The following C1QTNF3 variants were observed in gnomAD, a reference collection of about 807,000 sequenced individuals.
The protein encoded by C1QTNF3 is complement C1q tumor necrosis factor-related protein 3.
C1QTNF3 carries 26 observed loss-of-function variants against 32.6 expected under a neutral mutation model. That is an observed-to-expected ratio of 0.80 (90% CI 0.58 to 1.11). The LOEUF is 1.11. Among genes scored for constraint, C1QTNF3 ranks in the 50% least tolerant of loss-of-function variants. The probability of loss-of-function intolerance (pLI) is 0.00; values close to 1 mark genes in which losing one functional copy is unlikely to be tolerated. For missense variants in C1QTNF3, 362 were observed against 398.2 expected (o/e 0.91, Z 0.77); for synonymous variants, 155 against 146.0 (o/e 1.06, Z -0.44).
the C1QTNF3 span, among the ~76,000 whole-genome samples, chr5:34,102,661 T>A: frequency 6.6e-6 from 1 of 152,004 alleles, no homozygotes; most frequent in African/African-American, 2.4e-5. Flanking sequence ...TAGGAAAAAA[T>A]GCCCCAACAA....
the C1QTNF3 span, among the ~76,000 whole-genome samples, chr5:34,055,622 A>AT: frequency 6.6e-6 from 1 of 152,248 alleles, no homozygotes; most frequent in Non-Finnish European, 1.5e-5. Flanking sequence ...TCAAATTTAC[A>AT]TTCCCTGGCT....
the C1QTNF3 span, among the ~76,000 whole-genome samples, chr5:34,066,573 A>C: frequency 6.6e-6 from 1 of 152,074 alleles, no homozygotes; most frequent in East Asian, 1.9e-4. Flanking sequence ...GATGGCAGTA[A>C]GAAAATGTTG....
the C1QTNF3 span, among the ~76,000 whole-genome samples, chr5:34,071,119 A>G: frequency 6.6e-6 from 1 of 152,224 alleles, no homozygotes; most frequent in Non-Finnish European, 1.5e-5. Context: ...TAAGCTTGAC[A>G]CTAATTGCCG....
chr5:34,211,254 G>C, the C1QTNF3 span, among the ~76,000 whole-genome samples: 1 of 151,380 alleles, frequency 6.6e-6, no homozygotes, highest in Non-Finnish European at 1.5e-5. Context: ...CCATTGCTTA[G>C]TTTCATTAAT....
the C1QTNF3 span, among the ~76,000 whole-genome samples, chr5:34,114,401 T>C: frequency 6.6e-6 from 1 of 152,172 alleles, no homozygotes; most frequent in East Asian, 1.9e-4. Context: ...TAATGTCAGA[T>C]ATATAATTTA....
chr5:34,084,793 TTTTTTTGTTTTTTTTG>T, the C1QTNF3 span, among the ~76,000 whole-genome samples: 1 of 69,470 alleles, frequency 1.4e-5, no homozygotes, highest in South Asian at 4.5e-4. Flanking sequence ...TTTCTGGTTT[TTTTTTTGTTTTTTTTG>T]TTTTTTTTCT....
At chr5:34,060,495 T>C in the C1QTNF3 span, among the ~76,000 whole-genome samples, 1 of 152,170 alleles carries the variant, frequency 6.6e-6, no homozygotes, top group East Asian at 1.9e-4. Flanking sequence ...GGTATGCCTG[T>C]GTATTAGTCT....
the C1QTNF3 span, among the ~76,000 whole-genome samples, chr5:34,147,933 C>T: frequency 1.3e-5 from 2 of 152,142 alleles, no homozygotes; most frequent in Non-Finnish European, 2.9e-5. Flanking sequence ...TCTGCATTTC[C>T]ATCTGAGGTA....
the C1QTNF3 span, among the ~76,000 whole-genome samples, chr5:34,230,905 G>A: frequency 3.3e-5 from 5 of 151,964 alleles, no homozygotes; most frequent in Non-Finnish European, 7.4e-5. Context: ...TCTGTATTTA[G>A]GTCTATTTTT....
chr5:34,062,861 C>G, the C1QTNF3 span, among the ~76,000 whole-genome samples: 1 of 152,200 alleles, frequency 6.6e-6, no homozygotes, highest in Non-Finnish European at 1.5e-5. Context: ...AGTAAGCTAC[C>G]TTTCTGCTTT....
chr5:34,026,170 A>G (rs1162081983), intron 4 of C1QTNF3, among the ~76,000 whole-genome samples: 1 of 152,232 alleles, frequency 6.6e-6, no homozygotes, highest in African/African-American at 2.4e-5. Flanking sequence ...ATGAACTTCA[A>G]AAATACCTGT....
At chr5:34,092,598 A>C in the C1QTNF3 span, among the ~76,000 whole-genome samples, 6 of 148,948 alleles carry the variant, frequency 4.0e-5, no homozygotes, top group Non-Finnish European at 7.4e-5. Context: ...ATTGATCTGA[A>C]GGGCTGTATT....
chr5:34,226,435 TA>T, the C1QTNF3 span, among the ~76,000 whole-genome samples: 1 of 76,196 alleles, frequency 1.3e-5, no homozygotes, highest in Non-Finnish European at 3.1e-5. Flanking sequence ...ACTGGTACAA[TA>T]ACTATCTACA....
chr5:34,053,447 T>A, the C1QTNF3 span, among the ~76,000 whole-genome samples: 3 of 152,230 alleles, frequency 2.0e-5, no homozygotes, highest in Non-Finnish European at 2.9e-5. Context: ...TGGTGTGACA[T>A]GGGGCTCTCA....
At chr5:34,156,094 A>G in the C1QTNF3 span, among the ~76,000 whole-genome samples, 1 of 152,162 alleles carries the variant, frequency 6.6e-6, no homozygotes, top group Admixed American at 6.5e-5. Context: ...TTTTTGCAAC[A>G]GAATCTCGCT....
chr5:34,079,713 T>G, the C1QTNF3 span, among the ~76,000 whole-genome samples: 1 of 151,686 alleles, frequency 6.6e-6, no homozygotes, highest in Non-Finnish European at 1.5e-5. Flanking sequence ...ATACCAATTA[T>G]ATGATAAGTC....
At chr5:34,239,296 T>C in the C1QTNF3 span, 1 of 152,068 alleles carries the variant, frequency 6.6e-6, no homozygotes. Context: ...TGTATCAACA[T>C]TAACCATAAA....
the C1QTNF3 span, among the ~76,000 whole-genome samples, chr5:34,067,331 C>A: frequency 3.9e-5 from 6 of 152,244 alleles, no homozygotes; most frequent in Non-Finnish European, 5.9e-5. Flanking sequence ...ACACCCCACT[C>A]TACTAGTACC....
At chr5:34,142,239 C>T in the C1QTNF3 span, among the ~76,000 whole-genome samples, 2 of 152,146 alleles carry the variant, frequency 1.3e-5, no homozygotes, top group Non-Finnish European at 2.9e-5. Context: ...CGATACCAGT[C>T]TAGCCAACAT....
Sources: gnomAD v4.1 joint callset for allele counts (sites outside exome capture counted in the v4.1 genomes callset) on GRCh38, gnomAD v4.1.1 for gene constraint, MANE v1.5 for transcripts, NCBI Gene and HGNC (gene_info 2026-07-23, HGNC 2026-07-21) for gene names.